Variants in SOS2 observed in about 807,000 individuals in gnomAD.
The protein encoded by SOS2 is son of sevenless homolog 2.
Under a neutral mutation model 148.2 loss-of-function variants are expected in SOS2, and 65 were observed. That is an observed-to-expected ratio of 0.44 (90% CI 0.36 to 0.54). The LOEUF is 0.54. Among genes scored for constraint, SOS2 ranks in the 20% least tolerant of loss-of-function variants. The pLI is 0.00. For synonymous variants in SOS2, 539 were observed against 537.1 expected (o/e 1.00, Z -0.05); for missense variants, 1,341 against 1,590.2 (o/e 0.84, Z 2.67).
At chr14:50,169,541 G>C (rs942927831) in intron 8 of SOS2, among the ~76,000 whole-genome samples, 2 of 151,796 alleles carry the variant, frequency 1.3e-5, no homozygotes, top group African/African-American at 2.4e-5. Context: ...TTGGGAGGCT[G>C]AGGCAGGAGA....
At chr14:50,165,162 A>T (rs1885129017) in intron 8 of SOS2, among the ~76,000 whole-genome samples, 1 of 152,222 alleles carries the variant, frequency 6.6e-6, no homozygotes, top group Non-Finnish European at 1.5e-5. Context: ...TTTCTTTTAC[A>T]GAATCACAGT....
intron 19 of SOS2, 37 bp from the exon 20 acceptor site, chr14:50,130,799 C>T: frequency 1.3e-6 from 2 of 1,556,050 alleles, no homozygotes; most frequent in Non-Finnish European, 1.7e-6. Context: ...CACAAATTTG[C>T]ATAGACAACA....
chr14:50,129,149 A>G (rs2139507034), intron 21 of SOS2, among the ~76,000 whole-genome samples: 1 of 152,314 alleles, frequency 6.6e-6, no homozygotes. Flanking sequence ...ATAAATTATG[A>G]AATAATTAGG....
chr14:50,160,154 C>A, intron 9 of SOS2, 68 bp from the exon 10 acceptor site: 1 of 1,230,192 alleles, frequency 8.1e-7, no homozygotes, highest in South Asian at 1.4e-5. Context: ...CATAAACCAT[C>A]TCAAATCAAG....
At chr14:50,160,379 CTTTTTTTTTTTT>C (rs200021758) in intron 9 of SOS2, among the ~76,000 whole-genome samples, 6 of 78,852 alleles carry the variant, frequency 7.6e-5, no homozygotes, top group African/African-American at 1.5e-4. Context: ...CAATGCTAAT[CTTTTTTTTTTTT>C]TTTTTTTTTT....
At chr14:50,182,765 T>C (rs115886717) in intron 5 of SOS2, among the ~76,000 whole-genome samples, 159 bp from the exon 6 acceptor site, 70 of 152,328 alleles carry the variant, frequency 4.6e-4, no homozygotes, top group African/African-American at 1.7e-3. Flanking sequence ...ACGCTGCCGC[T>C]TCAGCAGAGG....
At chr14:50,190,368 C>T (rs981012700) in intron 4 of SOS2, among the ~76,000 whole-genome samples, 10 of 152,162 alleles carry the variant, frequency 6.6e-5, no homozygotes, top group Non-Finnish European at 1.3e-4. Context: ...TGAAAAACAT[C>T]TACTGATCAC....
chr14:50,174,828 T>A (rs530417760), intron 7 of SOS2, among the ~76,000 whole-genome samples: 3 of 152,194 alleles, frequency 2.0e-5, no homozygotes, highest in African/African-American at 7.2e-5. Flanking sequence ...GGCTTCCATA[T>A]ACCCTAAAGG....
chr14:50,124,286 G>A (rs1239868650), intron 21 of SOS2, among the ~76,000 whole-genome samples: 1 of 152,176 alleles, frequency 6.6e-6, no homozygotes, highest in Non-Finnish European at 1.5e-5. Context: ...GGAAGGTGAG[G>A]AGGAACCAGC....
Position 50,150,010 on chromosome 14 carries a change from G to A in SOS2, c.2382C>T (p.Tyr794=). Residue 794 remains tyrosine (Y), a splice_region_variant and synonymous_variant, in exon 14 of 23, where the codon TAC becomes TAT. Coordinates refer to ENST00000216373, the MANE Select transcript of SOS2 (RefSeq NM_006939.4). ...RQLTLLESDL[Y]RKVQPSELVG... is the part of the protein sequence containing the mutation. Reference sequence around the variant, plus strand: ...AGACATTAACATTAATTGTCTACCTGTAAAGATCAGACTCCAAAAGTGTCA... The same window carrying A: ...AGACATTAACATTAATTGTCTACCTATAAAGATCAGACTCCAAAAGTGTCA... 6.3e-7 allele frequency: 1 copy of A among 1,581,764 alleles called. No individual in the cohort carries two copies. Among genetic ancestry groups the A allele is most frequent in the South Asian group, 1.1e-5 (1 of 90,374 alleles).
Position 50,145,183 on chromosome 14 carries a change from T to C in SOS2, c.2654A>G (p.Asp885Gly), listed in dbSNP as rs1412106864. The C allele has an allele frequency of 2.3e-5, 37 of 1,596,034 alleles. No individual in the cohort carries two copies. The highest frequency in any genetic ancestry group is 3.1e-5 in the Non-Finnish European group (36 of 1,172,482). ...AVNSVSVYRLDHTFEALQERK... is the reference protein window; with the variant it reads ...AVNSVSVYRLGHTFEALQERK... The stretch of plus-strand genomic sequence containing the variant: ...CCTAAAACTTACCTCAAAGGTATGG[T>C]CTAGTCTGTATACTGACACTGAATT... The change falls in exon 16 of 23, where the codon GAC becomes GGC. Residue 885 changes from aspartate (D) to glycine (G), a missense_variant. Physicochemically the swap from Asp to Gly is moderately conservative, Grantham distance 94 (BLOSUM62 -1). Transcript: ENST00000216373.
chr14:50,172,442 G>T (rs1348275599), intron 8 of SOS2, among the ~76,000 whole-genome samples: 2 of 5,302 alleles, frequency 3.8e-4, no homozygotes, highest in African/African-American at 9.3e-4. Context: ...TTCTGAGATG[G>T]AGTCTCGCTC....
chr14:50,202,568 T>C (rs1287917176), intron 2 of SOS2, among the ~76,000 whole-genome samples: 1 of 152,038 alleles, frequency 6.6e-6, no homozygotes, highest in Non-Finnish European at 1.5e-5. Context: ...ACCCTGTCTC[T>C]ACAAAAAAAT....
intron 16 of SOS2, among the ~76,000 whole-genome samples, chr14:50,142,410 G>A (rs191988335): frequency 1.3e-5 from 2 of 152,102 alleles, no homozygotes; most frequent in East Asian, 3.9e-4. Flanking sequence ...GTATAAAGCA[G>A]TTTTTCCTCT....
rs929170116 is a variant in SOS2, at chr14:50,167,130, T to TA, written c.1069-5522dup. Among the ~76,000 whole-genome samples, 23 of 151,404 alleles carry TA rather than the reference T, an allele frequency of 1.5e-4. No individual in the cohort carries two copies. In the East Asian group the frequency reaches 2.9e-3, roughly 19 times the overall value. Reference sequence around the variant, plus strand: ...GCTTTTTTAAAAAAAACACTAACTTTAAAAAAAAACACATAAGAAAGTTAA... The same window carrying TA: ...GCTTTTTTAAAAAAAACACTAACTTTAAAAAAAAAACACATAAGAAAGTTAA... On this transcript the variant is annotated intron_variant, in intron 8 of 22. Coordinates refer to ENST00000216373, the MANE Select transcript of SOS2 (RefSeq NM_006939.4).
At chr14:50,143,329 G>GAA (rs11455809) in intron 16 of SOS2, among the ~76,000 whole-genome samples, 2,217 of 126,672 alleles carry the variant, frequency 0.018, 42 homozygotes, top group Non-Finnish European at 0.025. Context: ...GACTCTTTAG[G>GAA]AAAAAAAAAA....
chr14:50,122,156 CAGTGAAATTTAAA>C (rs1328112818), intron 21 of SOS2, among the ~76,000 whole-genome samples: 1 of 152,052 alleles, frequency 6.6e-6, no homozygotes, highest in Non-Finnish European at 1.5e-5. Flanking sequence ...TAATTCAGAC[CAGTGAAATTTAAA>C]AGGAGATATT....
chr14:50,118,528 CG>C lies in SOS2; in HGVS notation c.3814del (p.Arg1272ValfsTer54). 1 of 1,614,078 alleles carries C rather than the reference CG, an allele frequency of 6.2e-7. No homozygotes were observed. The highest frequency in any genetic ancestry group is 8.5e-7 in the Non-Finnish European group (1 of 1,180,000). ...ACTAGAACTGAGCACATAGCATCGA[CG>C]CGGTACCCTTGGAGAGGGTGTGCTA... ...PPSTPSPRVP[R>X]RCYVLSSSQN... is the part of the protein sequence containing the mutation. On this transcript the variant is annotated frameshift_variant, in exon 23 of 23. Coordinates refer to ENST00000216373, the MANE Select transcript of SOS2 (RefSeq NM_006939.4). LOFTEE classifies it high-confidence loss of function.
In SOS2 at chr14:50,118,171, G is replaced by A. The variant is rs1883353405; in HGVS notation, c.*173C>T. 1 of 625,752 alleles carries A rather than the reference G, an allele frequency of 1.6e-6. No homozygotes were observed. Among genetic ancestry groups the A allele is most frequent in the African/African-American group, 1.8e-5 (1 of 54,284 alleles). 38.8% of individuals were successfully genotyped at this position (625,752 alleles called of 1,614,324 possible). A position where few individuals can be genotyped will look rare whatever the true frequency, so the allele number is the denominator to read the frequency against. On this transcript the variant is annotated 3_prime_UTR_variant, in exon 23 of 23. Coordinates refer to ENST00000216373, the MANE Select transcript of SOS2 (RefSeq NM_006939.4). The stretch of plus-strand genomic sequence containing the variant: ...CTACTGATCACCTGAGGATAATGGT[G>A]AAGGACTTTTGTATTTTTATTTTTC...
Sources: gnomAD v4.1 joint callset for allele counts (sites outside exome capture counted in the v4.1 genomes callset) on GRCh38, gnomAD v4.1.1 for gene constraint, MANE v1.5 for transcripts, NCBI Gene and HGNC (gene_info 2026-07-23, HGNC 2026-07-21) for gene names.